The following DNAJA3 variants were observed in gnomAD, a reference collection of about 807,000 sequenced individuals.
DNAJA3 encodes the protein DnaJ heat shock protein family (Hsp40) member A3.
A neutral mutation model predicts 54.9 loss-of-function variants in DNAJA3; 29 were observed. The ratio of observed to expected loss-of-function variants is 0.53; its 90% CI spans 0.39 to 0.72. DNAJA3 has a LOEUF of 0.72. Among genes scored for constraint, DNAJA3 ranks in the 30% least tolerant of loss-of-function variants. DNAJA3 has a pLI of 0.00. For synonymous variants in DNAJA3, 302 were observed against 251.4 expected, an observed-to-expected ratio of 1.20 and a Z score of -1.90; for missense variants, 708 against 639.4, an observed-to-expected ratio of 1.11 and a Z score of -1.16.
chr16:4,454,736 G>T, intron 10 of DNAJA3, 75 bp from the exon 11 acceptor site: 1 of 1,164,512 alleles, frequency 8.6e-7, no homozygotes, highest in Non-Finnish European at 1.3e-6. Flanking sequence ...GGCCAGGCGG[G>T]GGTAGGTGGG....
intron 1 of DNAJA3, among the ~76,000 whole-genome samples, chr16:4,429,984 A>G (rs1396599283): frequency 6.6e-6 from 1 of 150,908 alleles, no homozygotes; most frequent in Admixed American, 6.6e-5. Context: ...GCAACAGAGT[A>G]TGACTCTTTC....
chr16:4,426,022 C>A lies in DNAJA3; in HGVS notation c.141C>A (p.Ala47=). 1 of 1,608,614 alleles carries A rather than the reference C, an allele frequency of 6.2e-7. No homozygotes were observed. The highest frequency in any genetic ancestry group is 1.7e-4 in the Middle Eastern group (1 of 6,016). Residue 47 remains alanine, a synonymous_variant, in exon 1 of 12, where the codon GCC becomes GCA. Transcript: ENST00000262375. ...AWLSRKLSVP[A]FASSLTSCGP... ...TGAGCCGCAAGCTGAGCGTCCCCGC[C>A]TTTGCGTCTTCCCTGACCTCTTGCG... is the stretch of plus-strand genomic sequence containing the variant.
Position 4,429,702 on chromosome 16 carries a change from C to T in DNAJA3, c.211+3610C>T, listed in dbSNP as rs548488753. Among the ~76,000 whole-genome samples, 10 of 152,154 alleles carry T rather than the reference C, an allele frequency of 6.6e-5. No homozygotes were observed. In the South Asian group the frequency reaches 1.9e-3, roughly 28 times the overall value. ...ATACAAAATTAGCCAGGCCTGGTGGCGCATGCCTGTAAACCCGGGTACTCG... is the reference window on the plus strand; with the variant it reads ...ATACAAAATTAGCCAGGCCTGGTGGTGCATGCCTGTAAACCCGGGTACTCG... On this transcript the variant is annotated intron_variant, in intron 1 of 11. Coordinates refer to ENST00000262375, the MANE Select transcript of DNAJA3 (RefSeq NM_005147.6).
At chr16:4,428,364 T>C (rs1170184389) in intron 1 of DNAJA3, among the ~76,000 whole-genome samples, 1 of 152,206 alleles carries the variant, frequency 6.6e-6, no homozygotes, top group Admixed American at 6.5e-5. Context: ...TGTGCCACCA[T>C]GCCAGGCTAG....
Position 4,426,016 on chromosome 16 carries a change from C to T in DNAJA3, c.135C>T (p.Val45=). 6.2e-7 allele frequency: 1 copy of T among 1,607,726 alleles called. No individual in the cohort carries two copies. Among genetic ancestry groups the T allele is most frequent in the Non-Finnish European group, 8.5e-7 (1 of 1,177,636 alleles). The change falls in exon 1 of 12, where the codon GTC becomes GTT. Residue 45 remains valine, a synonymous_variant. Transcript: ENST00000262375. ...VGAWLSRKLS[V]PAFASSLTSC... ...CATGGCTGAGCCGCAAGCTGAGCGT[C>T]CCCGCCTTTGCGTCTTCCCTGACCT...
chr16:4,446,101 T>A (rs987030646), intron 7 of DNAJA3, among the ~76,000 whole-genome samples: 2 of 151,018 alleles, frequency 1.3e-5, no homozygotes, highest in Admixed American at 1.3e-4. Flanking sequence ...TTTGTATTTT[T>A]AGTAGAGATG....
At chr16:4,448,995 T>A (rs528986505) in intron 9 of DNAJA3, 147 bp downstream of exon 9, 96 of 614,170 alleles carry the variant, frequency 1.6e-4, no homozygotes, top group Non-Finnish European at 2.6e-4. Flanking sequence ...CATAGTAGAA[T>A]GGTCAACTTC....
chr16:4,425,915 G>C lies in DNAJA3; in HGVS notation c.34G>C (p.Val12Leu), dbSNP rs992576834. 9 of 1,547,376 alleles carry C rather than the reference G, an allele frequency of 5.8e-6. No homozygotes were observed. Among genetic ancestry groups the C allele is most frequent in the Non-Finnish European group, 7.8e-6 (9 of 1,147,422 alleles). Residue 12 changes from valine (V) to leucine (L), a missense_variant, in exon 1 of 12, where the codon GTG (valine) becomes CTG (leucine). Coordinates refer to ENST00000262375, the MANE Select transcript of DNAJA3 (RefSeq NM_005147.6). ...GCGGTGCTCCACACGCTGGTTGCTG[G>C]TGGTTGTGGGGACCCCGCGGCTGCC... Reference protein sequence around the residue: ...AARCSTRWLLVVVGTPRLPAI... With the variant: ...AARCSTRWLLLVVGTPRLPAI...
chr16:4,434,570 A>G lies in DNAJA3; in HGVS notation c.345+53A>G. ...CCAAATTGTAGTAGGAATGTTGTTG[A>G]TCCCATGTGATCCTGATCAGTACAG... is the stretch of plus-strand genomic sequence containing the variant. On this transcript the variant is annotated intron_variant, in intron 2 of 11. Transcript: ENST00000262375. The G allele has an allele frequency of 1.3e-6, 2 of 1,588,240 alleles. 1 individual carries two copies. Among genetic ancestry groups the G allele is most frequent in the Middle Eastern group, 3.4e-4 (2 of 5,938 alleles).
At chr16:4,438,437 G>T (rs553782095) in intron 3 of DNAJA3, among the ~76,000 whole-genome samples, 1 of 152,114 alleles carries the variant, frequency 6.6e-6, no homozygotes, top group Admixed American at 6.6e-5. Flanking sequence ...CTTATTCAAT[G>T]ACATCCCCTT....
intron 9 of DNAJA3, chr16:4,450,040 G>A (rs1001991448): frequency 2.3e-5 from 4 of 176,464 alleles, no homozygotes; most frequent in East Asian, 1.5e-4. Flanking sequence ...CGCCCACCTT[G>A]GCCTCCCAAA....
intron 3 of DNAJA3, 177 bp from the exon 4 acceptor site, chr16:4,441,198 G>T: frequency 1.7e-6 from 1 of 603,550 alleles, no homozygotes. Context: ...CATTCAGTTT[G>T]GTCATCTCAT....
intron 6 of DNAJA3, 84 bp downstream of exon 6, chr16:4,443,248 A>G: frequency 6.5e-7 from 1 of 1,537,116 alleles, no homozygotes; most frequent in South Asian, 1.2e-5. Context: ...GAGGGTGGAC[A>G]GGGCCGAGGC....
chr16:4,447,724 C>G (rs1474062616), intron 8 of DNAJA3: 2 of 152,582 alleles, frequency 1.3e-5, no homozygotes, highest in East Asian at 3.9e-4. Flanking sequence ...CCCCCTCATC[C>G]TAGTCACAGG....
At position 4,448,303 on chromosome 16, in the gene DNAJA3, G is replaced by T. The variant is rs376052866; in HGVS notation, c.1126-430G>T. Among the ~76,000 whole-genome samples the T allele has an allele frequency of 2.0e-5, 3 of 151,328 alleles. No individual in the cohort carries two copies. The East Asian group carries it at 5.8e-4, about 29-fold the overall frequency. On this transcript the variant is annotated intron_variant, in intron 8 of 11. Transcript: ENST00000262375. ...GCCCCCCAAAGTGCTGGGATTACAG[G>T]CATGAGCCACTGCGCCCGGCCTTTT...
Position 4,451,433 on chromosome 16 carries a change from G to T in DNAJA3, c.1339+936G>T, listed in dbSNP as rs1458096571. On this transcript the variant is annotated intron_variant, in intron 10 of 11. Transcript: ENST00000262375. ...CCTGGAATTTCACTGAGCTCCTGTT[G>T]CTCCCAGGGGACTGGAATTCCTCTG... Among the ~76,000 whole-genome samples, 5 of 151,888 alleles carry T rather than the reference G, an allele frequency of 3.3e-5. No individual in the cohort carries two copies. The South Asian group carries it at 8.3e-4, about 25-fold the overall frequency.
At chr16:4,448,507 C>T (rs1489440087) in intron 8 of DNAJA3, among the ~76,000 whole-genome samples, 1 of 151,262 alleles carries the variant, frequency 6.6e-6, no homozygotes, top group Non-Finnish European at 1.5e-5. Context: ...CCATGCCCTG[C>T]TGATTTTTGT....
intron 1 of DNAJA3, among the ~76,000 whole-genome samples, chr16:4,428,867 C>T (rs1250943704): frequency 2.6e-5 from 4 of 151,426 alleles, no homozygotes; most frequent in African/African-American, 9.7e-5. Context: ...AGGCAGATCC[C>T]ATCTCTACAA....
chr16:4,441,693 G>C, intron 4 of DNAJA3, 118 bp downstream of exon 4: 1 of 960,030 alleles, frequency 1.0e-6, no homozygotes, highest in Non-Finnish European at 1.5e-6. Flanking sequence ...GTGATCTGGA[G>C]GCAGCCATTT....
Sources: allele counts gnomAD v4.1 joint callset (sites outside exome capture counted in the v4.1 genomes callset), GRCh38; gene constraint gnomAD v4.1.1; transcripts MANE v1.5; gene names NCBI Gene and HGNC (gene_info 2026-07-23, HGNC 2026-07-21).